The following BRWD1 variants were observed in gnomAD, a reference collection of about 807,000 sequenced individuals.
The protein encoded by BRWD1 is bromodomain and WD repeat domain containing 1, also known as bromodomain and WD repeat-containing protein 1.
BRWD1 carries 82 observed loss-of-function variants against 251.2 expected under a neutral mutation model. The ratio of observed to expected loss-of-function variants is 0.33; its 90% CI spans 0.27 to 0.39. The LOEUF (loss-of-function observed/expected upper bound fraction) is 0.39, where lower values mean the gene tolerates loss of function less well. BRWD1 is among the 10% of genes least tolerant of loss of function. The pLI is 1.00. For missense variants in BRWD1, 2,233 were observed against 2,711.6 expected (o/e 0.82, Z 3.92); for synonymous variants, 918 against 902.8 (o/e 1.02, Z -0.30).
At chr21:39,203,551 C>T (rs564788605) in intron 37 of BRWD1, among the ~76,000 whole-genome samples, 3 of 148,746 alleles carry the variant, frequency 2.0e-5, no homozygotes, top group East Asian at 4.0e-4. Flanking sequence ...GGACTACAGG[C>T]GCCCACCACC....
chr21:39,301,416 C>T (rs2036108535), intron 4 of BRWD1, among the ~76,000 whole-genome samples: 1 of 152,160 alleles, frequency 6.6e-6, no homozygotes, highest in Non-Finnish European at 1.5e-5. Flanking sequence ...CAAGCTATCA[C>T]ACTGGAAAGA....
chr21:39,314,900 A>G (rs118029113), upstream of BRWD1: 678 of 153,652 alleles, frequency 4.4e-3, 4 homozygotes, highest in Non-Finnish European at 7.7e-3. Context: ...GTAAACAGAT[A>G]ATATTTGTGC....
chr21:39,220,056 C>T lies in BRWD1; in HGVS notation c.3383-1396G>A, dbSNP rs973275772. On this transcript the variant is annotated intron_variant, in intron 29 of 40. Transcript: ENST00000342449. Reference sequence around the variant, plus strand: ...TTAAAAAACACTGGTTTATCAAAGCCGGGATCTAAGTTCAAATCACATCTA... The same window carrying T: ...TTAAAAAACACTGGTTTATCAAAGCTGGGATCTAAGTTCAAATCACATCTA... Among the ~76,000 whole-genome samples, 4 of 135,242 alleles carry T rather than the reference C, an allele frequency of 3.0e-5. No homozygotes were observed. In the East Asian group the frequency reaches 7.6e-4, roughly 26 times the overall value. 88.7% of individuals were successfully genotyped at this position (135,242 alleles called of 152,430 possible). A position where few individuals can be genotyped will look rare whatever the true frequency, so the allele number is the denominator to read the frequency against.
intron 29 of BRWD1, among the ~76,000 whole-genome samples, chr21:39,221,154 T>TAAA (rs35879682): frequency 9.1e-5 from 10 of 109,896 alleles, no homozygotes; most frequent in East Asian, 2.5e-4. Flanking sequence ...AACTACATCT[T>TAAA]AAAAAAAAAA....
chr21:39,301,930 T>A (rs2036126882), intron 4 of BRWD1, among the ~76,000 whole-genome samples: 1 of 146,378 alleles, frequency 6.8e-6, no homozygotes, highest in Non-Finnish European at 1.5e-5. Flanking sequence ...CAGAATTCCA[T>A]AGCTACTGAA....
intron 8 of BRWD1, among the ~76,000 whole-genome samples, chr21:39,282,007 T>C (rs2035481753): frequency 6.6e-6 from 1 of 151,614 alleles, no homozygotes; most frequent in Admixed American, 6.6e-5. Flanking sequence ...TATACACATA[T>C]GTCAACATAT....
chr21:39,218,291 G>A lies in BRWD1; in HGVS notation c.3539-19C>T. The stretch of plus-strand genomic sequence containing the variant: ...GCTATATCTGTTAGGGAAGACAGGA[G>A]AGTTTTTAATCAATAAATCCATTGC... On this transcript the variant is annotated intron_variant, in intron 30 of 40. Transcript: ENST00000342449. 1.9e-5 allele frequency: 30 copies of A among 1,589,756 alleles called. No homozygotes were observed. The highest frequency in any genetic ancestry group is 2.6e-5 in the Non-Finnish European group (30 of 1,173,200).
chr21:39,313,589 G>GCGCCGCCGCCGCCGCCGC lies in BRWD1; in HGVS notation c.-116_-99dup, dbSNP rs75090981. On this transcript the variant is annotated 5_prime_UTR_variant, in exon 1 of 41. Coordinates refer to ENST00000342449, the MANE Select transcript of BRWD1 (RefSeq NM_033656.4). ...GCTGGCGTCCCCTCTTCTCAGGCGC[G>GCGCCGCCGCCGCCGCCGC]CGCCGCCGCCGCCGCCGCCGCCGCC... The GCGCCGCCGCCGCCGCCGC allele has an allele frequency of 1.9e-4, 126 of 650,374 alleles. No individual in the cohort carries two copies. The highest frequency in any genetic ancestry group is 2.4e-4 in the Admixed American group (5 of 21,212). The allele number at this position is 650,374 out of a possible 1,614,324, so 40.3% of individuals were successfully genotyped here. A position where few individuals can be genotyped will look rare whatever the true frequency, so the allele number is the denominator to read the frequency against.
At chr21:39,312,963 G>C (rs1289013156) in intron 3 of BRWD1, 63 bp from the exon 4 acceptor site, 16 of 528,088 alleles carry the variant, frequency 3.0e-5, no homozygotes, top group Admixed American at 1.3e-4. Flanking sequence ...CGGGGGGCGG[G>C]GGGCCGGGGG....
chr21:39,196,536 C>G lies in BRWD1; in HGVS notation c.6533G>C (p.Arg2178Thr). The change falls in exon 41 of 41, where the codon AGG becomes ACG. Residue 2178 changes from arginine (R) to threonine (T), a missense_variant. By Grantham distance (71) the Arg-to-Thr change is moderately conservative (BLOSUM62 -1). Around this residue, in one of 12 missense-constraint regions of BRWD1, gnomAD observed 928 missense variants for 970.0 expected, o/e 0.96. Transcript: ENST00000342449. ...TTTTGCTTTTCCTTTCGTTTTCCTCCTTTTGGTTTTTGTATTATCAGTACA... is the reference window on the plus strand; with the variant it reads ...TTTTGCTTTTCCTTTCGTTTTCCTCGTTTTGGTTTTTGTATTATCAGTACA... Reference protein sequence around the residue: ...IDCTDNTKTKRRKTKGKAKVV... With the variant: ...IDCTDNTKTKTRKTKGKAKVV... 1 of 1,613,508 alleles carries G rather than the reference C, an allele frequency of 6.2e-7. No individual in the cohort carries two copies. The highest frequency in any genetic ancestry group is 1.7e-5 in the Admixed American group (1 of 59,952).
At chr21:39,233,222 C>G (rs2033686576) in intron 23 of BRWD1, among the ~76,000 whole-genome samples, 1 of 152,136 alleles carries the variant, frequency 6.6e-6, no homozygotes, top group Non-Finnish European at 1.5e-5. Flanking sequence ...TCATCCAACC[C>G]TCATCAAGTC....
At chr21:39,209,915 C>T (rs1458679557) in intron 36 of BRWD1, 80 bp downstream of exon 36, 1 of 1,401,844 alleles carries the variant, frequency 7.1e-7, no homozygotes, top group South Asian at 1.4e-5. Flanking sequence ...GAAAATTACA[C>T]TGGAAAAAAT....
At chr21:39,201,777 C>A (rs1201251904) in intron 38 of BRWD1, among the ~76,000 whole-genome samples, 1 of 152,180 alleles carries the variant, frequency 6.6e-6, no homozygotes, top group Non-Finnish European at 1.5e-5. Context: ...TTTTTCAATG[C>A]TGTCAATACT....
Position 39,190,653 on chromosome 21 carries a change from T to A in BRWD1, c.*5606A>T, listed in dbSNP as rs1170302892. ...TCAGAAAGCAAATAACATTTATCAA[T>A]GATCTTCATCCCTCCCAAAGCAGAA... On this transcript the variant is annotated 3_prime_UTR_variant, in exon 41 of 41. Coordinates refer to ENST00000342449, the MANE Select transcript of BRWD1 (RefSeq NM_033656.4). 1.0e-6 allele frequency: 1 copy of A among 985,256 alleles called. No homozygotes were observed. Among genetic ancestry groups the A allele is most frequent in the Non-Finnish European group, 1.2e-6 (1 of 829,904 alleles). 61.0% of individuals were successfully genotyped at this position (985,256 alleles called of 1,614,324 possible). A position where few individuals can be genotyped will look rare whatever the true frequency, so the allele number is the denominator to read the frequency against.
chr21:39,221,424 T>C (rs1236032903), intron 29 of BRWD1, among the ~76,000 whole-genome samples: 1 of 152,006 alleles, frequency 6.6e-6, no homozygotes, highest in Non-Finnish European at 1.5e-5. Flanking sequence ...ACTAAAAAGA[T>C]GCATATGTAA....
intron 29 of BRWD1, among the ~76,000 whole-genome samples, chr21:39,222,052 AC>A (rs1203124784): frequency 6.6e-6 from 1 of 152,204 alleles, no homozygotes; most frequent in Non-Finnish European, 1.5e-5. Context: ...GTTAAAAAAA[AC>A]AAAAGTATCC....
Position 39,188,887 on chromosome 21 carries a change from T to G in BRWD1, c.*7372A>C. 1.0e-6 allele frequency: 1 copy of G among 985,432 alleles called. No individual in the cohort carries two copies. The highest frequency in any genetic ancestry group is 1.2e-6 in the Non-Finnish European group (1 of 829,926). The allele number at this position is 985,432 out of a possible 1,614,324, so 61.0% of individuals were successfully genotyped here. A position where few individuals can be genotyped will look rare whatever the true frequency, so the allele number is the denominator to read the frequency against. Reference sequence around the variant, plus strand: ...TTGTTCAGTGTTCAGTCTCCAGGCATTGTAAATGGCATTTTACCAGAGTAA... The same window carrying G: ...TTGTTCAGTGTTCAGTCTCCAGGCAGTGTAAATGGCATTTTACCAGAGTAA... On this transcript the variant is annotated 3_prime_UTR_variant, in exon 41 of 41. Coordinates refer to ENST00000342449, the MANE Select transcript of BRWD1 (RefSeq NM_033656.4).
intron 38 of BRWD1, among the ~76,000 whole-genome samples, chr21:39,201,512 G>T (rs1474558578): frequency 6.6e-6 from 1 of 152,164 alleles, no homozygotes; most frequent in African/African-American, 2.4e-5. Flanking sequence ...TCCCCAAAAC[G>T]GTCTTTTCAT....
intron 23 of BRWD1, among the ~76,000 whole-genome samples, chr21:39,233,286 C>A (rs2033688747): frequency 6.6e-6 from 1 of 152,154 alleles, no homozygotes; most frequent in South Asian, 2.1e-4. Context: ...GCCAAAATCA[C>A]CCAGTCAAAT....
Sources: gnomAD v4.1 joint callset for allele counts (sites outside exome capture counted in the v4.1 genomes callset) on GRCh38, gnomAD v4.1.1 for gene constraint, gnomAD v4.1.1 regional missense constraint, MANE v1.5 for transcripts, NCBI Gene and HGNC (gene_info 2026-07-23, HGNC 2026-07-21) for gene names.